The following MAF variants were observed in gnomAD, a reference collection of about 807,000 sequenced individuals.
The protein encoded by MAF is transcription factor Maf.
In MAF, 10 loss-of-function variants were observed where a neutral mutation model predicts 22.0. That is an observed-to-expected ratio of 0.45 (90% CI 0.28 to 0.77). The LOEUF (loss-of-function observed/expected upper bound fraction) is 0.77. MAF is among the 30% of genes least tolerant of loss of function. The pLI is 0.12. For missense variants in MAF, 544 were observed against 548.4 expected, an observed-to-expected ratio of 0.99 and a Z score of 0.08; for synonymous variants, 337 against 255.8, an observed-to-expected ratio of 1.32 and a Z score of -3.03.
the MAF span, among the ~76,000 whole-genome samples, chr16:79,483,402 A>C: frequency 6.6e-6 from 1 of 150,450 alleles, no homozygotes; most frequent in African/African-American, 2.5e-5. Context: ...AGGAAAGAAA[A>C]CAGAGGAAGG....
chr16:79,300,562 CAAA>C, the MAF span, among the ~76,000 whole-genome samples: 4 of 151,512 alleles, frequency 2.6e-5, no homozygotes, highest in Non-Finnish European at 1.5e-5. Context: ...TCAAAACAAA[CAAA>C]CAAACAAACA....
the MAF span, among the ~76,000 whole-genome samples, chr16:79,398,112 C>T: frequency 5.7e-4 from 87 of 152,198 alleles, no homozygotes; most frequent in Middle Eastern, 3.4e-3. Context: ...TTTCAGTTCC[C>T]GGAGGCCACC....
the MAF span, among the ~76,000 whole-genome samples, chr16:79,451,154 C>A: frequency 6.6e-6 from 1 of 152,230 alleles, no homozygotes; most frequent in Non-Finnish European, 1.5e-5. Flanking sequence ...ATGCTACCCA[C>A]CACCTTCAGT....
At chr16:79,329,956 T>TA in the MAF span, among the ~76,000 whole-genome samples, 136 of 147,890 alleles carry the variant, frequency 9.2e-4, no homozygotes, top group African/African-American at 2.2e-3. Context: ...TAAGTCATCA[T>TA]AAAAAAAAAA....
the MAF span, among the ~76,000 whole-genome samples, chr16:79,502,801 G>A: frequency 7.1e-6 from 1 of 140,468 alleles, no homozygotes; most frequent in Admixed American, 7.3e-5. Flanking sequence ...GAGTGGTAGG[G>A]GATTAATTAT....
chr16:79,588,261 A>G (rs1474094487), intron 1 of MAF, among the ~76,000 whole-genome samples: 1 of 152,174 alleles, frequency 6.6e-6, no homozygotes, highest in East Asian at 1.9e-4. Flanking sequence ...CGAGTCACAG[A>G]AAGTCTGGCA....
the MAF span, among the ~76,000 whole-genome samples, chr16:79,560,597 G>A: frequency 2.7e-5 from 4 of 150,572 alleles, no homozygotes; most frequent in African/African-American, 7.3e-5. Flanking sequence ...TTTTCTTTCT[G>A]AATCTCCCTT....
At chr16:79,513,880 A>G in the MAF span, among the ~76,000 whole-genome samples, 1 of 152,294 alleles carries the variant, frequency 6.6e-6, no homozygotes, top group East Asian at 1.9e-4. Context: ...CTGGATGTGA[A>G]AACTCCAGTC....
the MAF span, among the ~76,000 whole-genome samples, chr16:79,542,995 G>T: frequency 6.6e-6 from 1 of 152,186 alleles, no homozygotes; most frequent in Non-Finnish European, 1.5e-5. Flanking sequence ...GTGTGTGTAT[G>T]TGCAGTTATG....
chr16:79,477,720 A>AC, the MAF span, among the ~76,000 whole-genome samples: 1 of 149,950 alleles, frequency 6.7e-6, no homozygotes, highest in Non-Finnish European at 1.5e-5. Flanking sequence ...ATTAAGTGAC[A>AC]TTTTTTTTTT....
At chr16:79,562,060 T>C in the MAF span, among the ~76,000 whole-genome samples, 1 of 152,184 alleles carries the variant, frequency 6.6e-6, no homozygotes, top group Admixed American at 6.5e-5. Flanking sequence ...TCTTCAGCGT[T>C]CTAACACATT....
rs953615185 is a variant in MAF, at chr16:79,596,310, G to C, written c.1119-1757C>G. 2.4e-5 allele frequency: 25 copies of C among 1,059,486 alleles called. No homozygotes were observed. In the African/African-American group the frequency reaches 3.3e-4, roughly 14 times the overall value. The allele number at this position is 1,059,486 out of a possible 1,614,324, so 65.6% of individuals were successfully genotyped here. ...CATCTATATTAAATATTGCTAATCA[G>C]TATATGGGGCCAGCCTCCTCACTTC... On this transcript the variant is annotated intron_variant, in intron 1 of 1. Transcript: ENST00000326043.
chr16:79,208,631 A>T, the MAF span, among the ~76,000 whole-genome samples: 10 of 151,186 alleles, frequency 6.6e-5, no homozygotes, highest in East Asian at 1.8e-3. Flanking sequence ...TGCTCTTTAA[A>T]TTTTTTTTTT....
chr16:79,232,502 T>C, the MAF span, among the ~76,000 whole-genome samples: 2 of 152,050 alleles, frequency 1.3e-5, no homozygotes, highest in South Asian at 4.1e-4. Context: ...TACAACATAA[T>C]ATCCCAGCCT....
chr16:79,306,751 G>C, the MAF span, among the ~76,000 whole-genome samples: 1 of 152,144 alleles, frequency 6.6e-6, no homozygotes, highest in Non-Finnish European at 1.5e-5. Flanking sequence ...AATCCTCATA[G>C]ACAGCTTCAC....
At chr16:79,513,631 G>C in the MAF span, among the ~76,000 whole-genome samples, 1 of 152,208 alleles carries the variant, frequency 6.6e-6, no homozygotes, top group Non-Finnish European at 1.5e-5. Flanking sequence ...TCTCAGGCAA[G>C]TTACTTAATC....
the MAF span, chr16:79,203,147 A>G: frequency 6.6e-6 from 1 of 152,216 alleles, no homozygotes; most frequent in African/African-American, 2.4e-5. Flanking sequence ...ATTGTTTCTC[A>G]TTACCCATCG....
At chr16:79,239,801 C>G in the MAF span, among the ~76,000 whole-genome samples, 1 of 151,990 alleles carries the variant, frequency 6.6e-6, no homozygotes, top group Non-Finnish European at 1.5e-5. Flanking sequence ...TATCTATTGA[C>G]TGAGCAAATG....
chr16:79,461,185 C>G, the MAF span, among the ~76,000 whole-genome samples: 1 of 152,178 alleles, frequency 6.6e-6, no homozygotes, highest in Admixed American at 6.5e-5. Context: ...TTTTTGAATG[C>G]AGATGGCTGT....
Sources: allele counts gnomAD v4.1 joint callset (sites outside exome capture counted in the v4.1 genomes callset), GRCh38; gene constraint gnomAD v4.1.1; transcripts MANE v1.5; gene names NCBI Gene and HGNC (gene_info 2026-07-23, HGNC 2026-07-21).